The following AGBL4 variants were observed in gnomAD, a reference collection of about 807,000 sequenced individuals.
AGBL4 encodes AGBL carboxypeptidase 4.
Under a neutral mutation model 66.4 loss-of-function variants are expected in AGBL4, and 58 were observed. The observed-to-expected ratio is 0.87, with a 90% confidence interval of 0.71 to 1.09. The LOEUF (loss-of-function observed/expected upper bound fraction) is 1.09, where lower values mean the gene tolerates loss of function less well. Ranked by LOEUF, AGBL4 falls within the 50% of genes least tolerant of loss-of-function variation. The probability of loss-of-function intolerance (pLI) is 0.00; values close to 1 mark genes in which losing one functional copy is unlikely to be tolerated. For missense variants in AGBL4, 579 were observed against 631.0 expected (o/e 0.92, Z 0.88); for synonymous variants, 234 against 222.9 (o/e 1.05, Z -0.44).
At chr1:49,347,325 C>T (rs1215383337) in intron 3 of AGBL4, among the ~76,000 whole-genome samples, 2 of 149,392 alleles carry the variant, frequency 1.3e-5, no homozygotes, top group Admixed American at 1.3e-4. Context: ...GATCTCAGCT[C>T]ACTGCAAGCT....
intron 6 of AGBL4, among the ~76,000 whole-genome samples, chr1:48,763,946 T>C (rs1644404078): frequency 6.6e-6 from 1 of 152,154 alleles, no homozygotes; most frequent in Non-Finnish European, 1.5e-5. Flanking sequence ...ATAACATGAA[T>C]GTAGGAGAAC....
chr1:49,013,625 AC>A (rs1662609895), intron 5 of AGBL4, among the ~76,000 whole-genome samples: 1 of 151,674 alleles, frequency 6.6e-6, no homozygotes, highest in Admixed American at 6.6e-5. Flanking sequence ...GCCTATCCCC[AC>A]CTCTTCTGTA....
intron 9 of AGBL4, among the ~76,000 whole-genome samples, chr1:48,623,643 A>G (rs1484993726): frequency 6.6e-6 from 1 of 152,266 alleles, no homozygotes; most frequent in Non-Finnish European, 1.5e-5. Flanking sequence ...AGAGCCTCTC[A>G]ATGGCAACAA....
chr1:49,191,161 A>G (rs544220046), intron 4 of AGBL4, among the ~76,000 whole-genome samples: 3 of 152,232 alleles, frequency 2.0e-5, no homozygotes, highest in African/African-American at 7.2e-5. Context: ...GTCAACTCAG[A>G]TACAAAGAAG....
chr1:49,113,454 T>C (rs1430229839), intron 4 of AGBL4, among the ~76,000 whole-genome samples: 1 of 152,002 alleles, frequency 6.6e-6, no homozygotes, highest in African/African-American at 2.4e-5. Context: ...GGTTTGACCA[T>C]GTTGGCAAGG....
Position 48,684,738 on chromosome 1 carries a change from C to T in AGBL4, c.635-21497G>A, listed in dbSNP as rs7553969. Among the ~76,000 whole-genome samples the T allele has an allele frequency of 6.2e-3, 940 of 151,962 alleles. 9 individuals are homozygous for T. Among genetic ancestry groups the T allele is most frequent in the African/African-American group, 0.022 (904 of 41,448 alleles). ...AACTTTTTTTTTTCTTTATAGAATGCCAATCAGAAAACAAACTTTGAGATC... is the reference window on the plus strand; with the variant it reads ...AACTTTTTTTTTTCTTTATAGAATGTCAATCAGAAAACAAACTTTGAGATC... On this transcript the variant is annotated intron_variant, in intron 6 of 13. Transcript: ENST00000371839.
intron 5 of AGBL4, among the ~76,000 whole-genome samples, chr1:48,900,276 C>T (rs927199013): frequency 2.0e-5 from 3 of 152,150 alleles, no homozygotes; most frequent in Non-Finnish European, 4.4e-5. Context: ...ACAAATTATT[C>T]TAAGCATGAG....
chr1:49,020,141 G>A (rs1339921037), intron 5 of AGBL4, among the ~76,000 whole-genome samples: 1 of 152,142 alleles, frequency 6.6e-6, no homozygotes, highest in Non-Finnish European at 1.5e-5. Flanking sequence ...ATTCAAATGC[G>A]ATCTGTCTGA....
At chr1:49,801,750 A>T (rs1644866070) in intron 2 of AGBL4, among the ~76,000 whole-genome samples, 1 of 152,228 alleles carries the variant, frequency 6.6e-6, no homozygotes, top group Admixed American at 6.5e-5. Context: ...ATACTAAGCA[A>T]AGCCAGACAT....
At chr1:49,300,306 G>A (rs1644721576) in intron 3 of AGBL4, among the ~76,000 whole-genome samples, 1 of 152,104 alleles carries the variant, frequency 6.6e-6, no homozygotes, top group Non-Finnish European at 1.5e-5. Flanking sequence ...TGTGACCTGT[G>A]TTAGTTATTA....
At chr1:49,285,641 A>G (rs1179896224) in intron 3 of AGBL4, among the ~76,000 whole-genome samples, 2 of 152,198 alleles carry the variant, frequency 1.3e-5, no homozygotes, top group African/African-American at 2.4e-5. Flanking sequence ...AATAAAGCAA[A>G]AAAAGAGAGA....
chr1:49,589,941 T>G (rs137866509), intron 3 of AGBL4, among the ~76,000 whole-genome samples: 69 of 152,078 alleles, frequency 4.5e-4, no homozygotes, highest in Non-Finnish European at 3.7e-4. Flanking sequence ...CTTACTCCTA[T>G]AGTAATAAAT....
intron 3 of AGBL4, among the ~76,000 whole-genome samples, chr1:49,380,621 A>G (rs1644581791): frequency 6.6e-6 from 1 of 152,212 alleles, no homozygotes; most frequent in Non-Finnish European, 1.5e-5. Context: ...TAACCAAAAC[A>G]GCATGGTACT....
chr1:49,531,547 GAAC>G (rs1310261516), intron 3 of AGBL4, among the ~76,000 whole-genome samples: 5 of 152,192 alleles, frequency 3.3e-5, no homozygotes, highest in Admixed American at 6.5e-5. Context: ...TAAGAAATCA[GAAC>G]AACAATTCAC....
intron 3 of AGBL4, among the ~76,000 whole-genome samples, chr1:49,547,361 T>C (rs1221580788): frequency 6.6e-6 from 1 of 152,226 alleles, no homozygotes. Context: ...CATTGGCCTA[T>C]GTACCTATTT....
chr1:49,256,738 T>G (rs532184354), intron 3 of AGBL4, among the ~76,000 whole-genome samples: 1 of 152,246 alleles, frequency 6.6e-6, no homozygotes, highest in Non-Finnish European at 1.5e-5. Context: ...CAAGACTTAC[T>G]GTAATGTTAT....
At chr1:48,795,300 C>A (rs936589448) in intron 6 of AGBL4, among the ~76,000 whole-genome samples, 3 of 152,174 alleles carry the variant, frequency 2.0e-5, no homozygotes, top group Non-Finnish European at 4.4e-5. Flanking sequence ...CTACCCCCTA[C>A]CAACTCTCTG....
At chr1:49,250,234 C>T in intron 3 of AGBL4, among the ~76,000 whole-genome samples, 1 of 152,020 alleles carries the variant, frequency 6.6e-6, no homozygotes, top group East Asian at 1.9e-4. Flanking sequence ...GTTCCCAACA[C>T]AGAGAAAAGA....
chr1:49,515,094 A>G (rs1019782097), intron 3 of AGBL4, among the ~76,000 whole-genome samples: 1 of 152,170 alleles, frequency 6.6e-6, no homozygotes, highest in Non-Finnish European at 1.5e-5. Context: ...ATCAGACTGA[A>G]CAGGCAACCT....
Sources: allele counts gnomAD v4.1 joint callset (sites outside exome capture counted in the v4.1 genomes callset), GRCh38; gene constraint gnomAD v4.1.1; transcripts MANE v1.5; gene names NCBI Gene and HGNC (gene_info 2026-07-23, HGNC 2026-07-21).